RBMS3: variants seen among roughly 807,000 people sequenced by gnomAD.
RBMS3 encodes RNA-binding motif, single-stranded-interacting protein 3.
Under a neutral mutation model 66.8 loss-of-function variants are expected in RBMS3, and 27 were observed. The ratio of observed to expected loss-of-function variants is 0.40; its 90% confidence interval spans 0.30 to 0.56. The LOEUF is 0.56. Ranked by LOEUF, RBMS3 falls within the 20% of genes least tolerant of loss-of-function variation. RBMS3 has a pLI of 0.40. For synonymous variants in RBMS3, 188 were observed against 183.0 expected, an observed-to-expected ratio of 1.03 and a Z score of -0.22; for missense variants, 513 against 549.5, an observed-to-expected ratio of 0.93 and a Z score of 0.66.
chr3:29,698,297 A>G, intron 4 of RBMS3: 1 of 985,432 alleles, frequency 1.0e-6, no homozygotes, highest in East Asian at 1.1e-4. Context: ...CTGGTGAGGG[A>G]GGCAAACAGA....
At chr3:29,600,835 C>T (rs1259064622) in intron 4 of RBMS3, among the ~76,000 whole-genome samples, 5 of 151,956 alleles carry the variant, frequency 3.3e-5, no homozygotes, top group Non-Finnish European at 7.4e-5. Context: ...GAAGTGGGGT[C>T]ATTTTTTTCT....
chr3:29,926,135 C>G (rs2060930803), intron 10 of RBMS3, among the ~76,000 whole-genome samples: 2 of 152,128 alleles, frequency 1.3e-5, no homozygotes, highest in African/African-American at 2.4e-5. Flanking sequence ...CATATTTTAT[C>G]TCAGCATTAG....
At chr3:29,532,262 G>GTATATATATATATATATATATATATATA (rs869225843) in intron 3 of RBMS3, among the ~76,000 whole-genome samples, 4 of 62,692 alleles carry the variant, frequency 6.4e-5, no homozygotes, top group South Asian at 6.1e-4. Context: ...ATATATATAT[G>GTATATATATATATATATATATATATATA]TATATATATA....
chr3:29,936,587 A>G (rs1046587121), intron 11 of RBMS3, among the ~76,000 whole-genome samples: 20 of 152,140 alleles, frequency 1.3e-4, no homozygotes. Flanking sequence ...CAGGTTATAC[A>G]CAACTGAGGG....
rs1699834687 is a variant in RBMS3 at position 30,007,514 on chromosome 3, A to G, written c.*3652A>G. On this transcript the variant is annotated 3_prime_UTR_variant, in exon 15 of 15. Coordinates refer to ENST00000383767, the MANE Select transcript of RBMS3 (RefSeq NM_001003793.3). ...TCGTCTAAACTCTAGTTTCATGGTC[A>G]GTGCAACAGTGAGTTTTCTTTTAAT... 6.6e-6 allele frequency: 1 copy of G among 152,080 alleles called. No individual in the cohort carries two copies. 9.4% of individuals were successfully genotyped at this position (152,080 alleles called of 1,614,324 possible).
At chr3:29,394,946 T>C (rs1312895047) in intron 1 of RBMS3, among the ~76,000 whole-genome samples, 2 of 152,206 alleles carry the variant, frequency 1.3e-5, no homozygotes, top group Admixed American at 6.5e-5. Context: ...CTTCCAGACT[T>C]TGTTCAAAAG....
intron 4 of RBMS3, among the ~76,000 whole-genome samples, chr3:29,678,076 G>T (rs1161331279): frequency 1.1e-4 from 17 of 152,138 alleles, no homozygotes; most frequent in African/African-American, 4.1e-4. Flanking sequence ...AGAAAGTAAG[G>T]TTACTACATT....
intron 1 of RBMS3, among the ~76,000 whole-genome samples, chr3:29,408,720 T>A (rs1426008521): frequency 1.3e-5 from 2 of 152,198 alleles, no homozygotes. Context: ...CCTACACTGT[T>A]ATATTGTGTA....
At chr3:29,889,454 G>A (rs893060430) in intron 8 of RBMS3, among the ~76,000 whole-genome samples, 4 of 151,680 alleles carry the variant, frequency 2.6e-5, no homozygotes, top group African/African-American at 9.7e-5. Flanking sequence ...GCCCAGGGAT[G>A]CATCCAAACT....
At position 29,965,399 on chromosome 3, in the gene RBMS3, T is replaced by A. The variant is rs557256499; in HGVS notation, c.1098+21145T>A. On this transcript the variant is annotated intron_variant, in intron 12 of 14. Transcript: ENST00000383767. ...CATACCAACAGCTACTGGTTTTTTTTATTTTTTGATTATGGCCATTCTTGC... is the reference window on the plus strand; with the variant it reads ...CATACCAACAGCTACTGGTTTTTTTAATTTTTTGATTATGGCCATTCTTGC... 3.3e-5 allele frequency among the ~76,000 whole-genome samples: 5 copies of A among 152,194 alleles called. No individual in the cohort carries two copies. The East Asian group carries it at 5.8e-4, about 18-fold the overall frequency.
Position 30,004,797 on chromosome 3 carries a change from T to A in RBMS3, c.*935T>A, listed in dbSNP as rs560741367. ...AAAGCGTGATCGCTAGCAAAAGCAT[T>A]AGTGCTTTTTATCTGCAGTCTTTTT... On this transcript the variant is annotated 3_prime_UTR_variant, in exon 15 of 15. Coordinates refer to ENST00000383767, the MANE Select transcript of RBMS3 (RefSeq NM_001003793.3). 1.1e-4 allele frequency: 16 copies of A among 152,194 alleles called. No individual in the cohort carries two copies. The highest frequency in any genetic ancestry group is 5.3e-4 in the Admixed American group (8 of 15,214). 9.4% of individuals were successfully genotyped at this position (152,194 alleles called of 1,614,324 possible).
At chr3:29,393,315 A>T (rs11718773) in intron 1 of RBMS3, among the ~76,000 whole-genome samples, 1 of 152,124 alleles carries the variant, frequency 6.6e-6, no homozygotes, top group African/African-American at 2.4e-5. Context: ...AATACAGCAT[A>T]ATGTATTAAA....
intron 6 of RBMS3, among the ~76,000 whole-genome samples, chr3:29,815,496 G>A (rs1234568915): frequency 2.0e-5 from 3 of 152,046 alleles, no homozygotes; most frequent in Non-Finnish European, 2.9e-5. Flanking sequence ...CTATACCTCA[G>A]TTTGTTCTTT....
intron 1 of RBMS3, among the ~76,000 whole-genome samples, chr3:29,400,869 A>G (rs1426401434): frequency 6.6e-6 from 1 of 152,080 alleles, no homozygotes; most frequent in Non-Finnish European, 1.5e-5. Context: ...GCTTTGCCTG[A>G]GTATGTAGGA....
chr3:29,769,251 G>A (rs578132700), intron 6 of RBMS3, among the ~76,000 whole-genome samples: 3 of 151,836 alleles, frequency 2.0e-5, no homozygotes, highest in African/African-American at 4.8e-5. Flanking sequence ...GAACAACTGA[G>A]GACACAAAGA....
intron 2 of RBMS3, among the ~76,000 whole-genome samples, chr3:29,465,542 AT>A (rs34857596): frequency 0.43 from 57,075 of 133,020 alleles, 11,053 homozygotes; most frequent in Admixed American, 0.55. Context: ...ATGTGCCCTT[AT>A]TTTTTTTTTT....
chr3:29,887,704 C>G (rs1314979168), intron 8 of RBMS3, among the ~76,000 whole-genome samples: 1 of 151,712 alleles, frequency 6.6e-6, no homozygotes. Context: ...CTAAGACTCA[C>G]TAAGTCTCAC....
chr3:29,295,538 T>C (rs566273381), intron 1 of RBMS3, among the ~76,000 whole-genome samples: 2 of 151,286 alleles, frequency 1.3e-5, no homozygotes, highest in Non-Finnish European at 3.0e-5. Flanking sequence ...AAATAACTAA[T>C]ATTAATAGTA....
At chr3:29,749,367 T>C (rs2149363184) in intron 5 of RBMS3, among the ~76,000 whole-genome samples, 1 of 152,294 alleles carries the variant, frequency 6.6e-6, no homozygotes, top group East Asian at 1.9e-4. Flanking sequence ...CAAGGATAAT[T>C]CTTAGTCTGA....
Sources: gnomAD v4.1 joint callset for allele counts (sites outside exome capture counted in the v4.1 genomes callset) on GRCh38, gnomAD v4.1.1 for gene constraint, MANE v1.5 for transcripts, NCBI Gene and HGNC (gene_info 2026-07-23, HGNC 2026-07-21) for gene names.